KDM4C: variants seen among roughly 807,000 people sequenced by gnomAD.
KDM4C encodes lysine demethylase 4C.
A neutral mutation model predicts 129.3 loss-of-function variants in KDM4C; 81 were observed. The ratio of observed to expected loss-of-function variants is 0.63; its 90% CI spans 0.52 to 0.75. KDM4C has a LOEUF of 0.75. Ranked by LOEUF, KDM4C falls within the 30% of genes least tolerant of loss-of-function variation. The probability of loss-of-function intolerance (pLI) is 0.00; values close to 1 mark genes in which losing one functional copy is unlikely to be tolerated. For missense variants in KDM4C, 1,457 were observed against 1,304.0 expected (o/e 1.12, Z -1.81); for synonymous variants, 573 against 456.1 (o/e 1.26, Z -3.26).
chr9:6,886,362 G>C (rs1229002396), intron 6 of KDM4C, among the ~76,000 whole-genome samples: 2 of 151,060 alleles, frequency 1.3e-5, no homozygotes, highest in Admixed American at 1.3e-4. Context: ...GCCCAGGCTG[G>C]AGTACAGTGG....
chr9:6,970,016 C>T (rs979524218), intron 8 of KDM4C, among the ~76,000 whole-genome samples: 5 of 152,224 alleles, frequency 3.3e-5, no homozygotes, highest in African/African-American at 1.2e-4. Context: ...ATGTGCCCAT[C>T]TCTGAACCAA....
intron 19 of KDM4C, among the ~76,000 whole-genome samples, chr9:7,130,795 G>A (rs1215181324): frequency 6.6e-6 from 1 of 152,016 alleles, no homozygotes; most frequent in Non-Finnish European, 1.5e-5. Context: ...GCCTCATTTT[G>A]TCGCCTAGGC....
chr9:6,907,328 A>G (rs1818491169), intron 8 of KDM4C, among the ~76,000 whole-genome samples: 1 of 152,240 alleles, frequency 6.6e-6, no homozygotes, highest in African/African-American at 2.4e-5. Flanking sequence ...ACAGACAGGC[A>G]AACCCTCATC....
intron 8 of KDM4C, among the ~76,000 whole-genome samples, chr9:6,944,365 C>G (rs1298479302): frequency 6.6e-6 from 1 of 152,142 alleles, no homozygotes; most frequent in Non-Finnish European, 1.5e-5. Flanking sequence ...GGATTTCATG[C>G]ACATCAGTTC....
At chr9:6,931,276 A>G (rs963826991) in intron 8 of KDM4C, among the ~76,000 whole-genome samples, 1 of 152,166 alleles carries the variant, frequency 6.6e-6, no homozygotes, top group East Asian at 1.9e-4. Context: ...ATACTGAACA[A>G]TATAATTTTA....
chr9:6,767,946 A>G (rs901171372), intron 1 of KDM4C, among the ~76,000 whole-genome samples: 10 of 151,966 alleles, frequency 6.6e-5, no homozygotes, highest in African/African-American at 2.4e-4. Context: ...TGTATTATAT[A>G]TACACACATA....
chr9:6,852,665 A>G (rs1317157256), intron 5 of KDM4C, among the ~76,000 whole-genome samples: 1 of 151,952 alleles, frequency 6.6e-6, no homozygotes, highest in Non-Finnish European at 1.5e-5. Context: ...TGCTTGACAT[A>G]TCTGTCACTA....
rs527531117 is a variant in KDM4C, at chr9:7,118,000, A to G, written c.2611-10066A>G. Among the ~76,000 whole-genome samples the G allele has an allele frequency of 7.1e-4, 108 of 152,328 alleles. No homozygotes were observed. The South Asian group carries it at 8.7e-3, about 12-fold the overall frequency. On this transcript the variant is annotated intron_variant, in intron 18 of 21. Coordinates refer to ENST00000381309, the MANE Select transcript of KDM4C (RefSeq NM_015061.6). ...GGTATGTTCCTGTTGAGAGGTTTAC[A>G]CATTAACACAGTGAGGCAAAGATTC...
intron 8 of KDM4C, among the ~76,000 whole-genome samples, chr9:6,975,195 C>T (rs970619177): frequency 6.6e-6 from 1 of 152,124 alleles, no homozygotes; most frequent in Non-Finnish European, 1.5e-5. Flanking sequence ...TAATCTGAAC[C>T]TATTAGAAGT....
At chr9:6,800,406 G>T (rs867343346) in intron 2 of KDM4C, among the ~76,000 whole-genome samples, 1 of 151,650 alleles carries the variant, frequency 6.6e-6, no homozygotes, top group Non-Finnish European at 1.5e-5. Flanking sequence ...GAGCGTAGGA[G>T]CATGTGCCTG....
chr9:7,112,185 G>A (rs745513804), intron 18 of KDM4C, among the ~76,000 whole-genome samples: 2 of 152,142 alleles, frequency 1.3e-5, no homozygotes, highest in African/African-American at 2.4e-5. Context: ...TTACTCTTGC[G>A]ACTTTCCTTC....
At chr9:6,870,652 C>T (rs1326528127) in intron 5 of KDM4C, among the ~76,000 whole-genome samples, 1 of 151,976 alleles carries the variant, frequency 6.6e-6, no homozygotes, top group Non-Finnish European at 1.5e-5. Context: ...GCAAGTCAGG[C>T]ATACAAGCTT....
At chr9:7,107,859 G>C (rs556277546) in intron 18 of KDM4C, among the ~76,000 whole-genome samples, 8 of 152,268 alleles carry the variant, frequency 5.3e-5, no homozygotes, top group African/African-American at 1.9e-4. Context: ...TGTTGTTGTT[G>C]TTGTTGTTGT....
intron 19 of KDM4C, among the ~76,000 whole-genome samples, chr9:7,146,767 C>T (rs1163582810): frequency 2.0e-5 from 3 of 152,166 alleles, no homozygotes; most frequent in Admixed American, 2.0e-4. Flanking sequence ...TCTTCTCTAC[C>T]AGTGCTGGAG....
intron 8 of KDM4C, among the ~76,000 whole-genome samples, chr9:6,899,560 T>TGG (rs1230923376): frequency 6.6e-6 from 1 of 151,852 alleles, no homozygotes; most frequent in Non-Finnish European, 1.5e-5. Context: ...TGTGTGTGTG[T>TGG]GTGTGTGTGT....
intron 4 of KDM4C, among the ~76,000 whole-genome samples, chr9:6,823,586 C>A (rs1207152391): frequency 2.0e-5 from 3 of 152,224 alleles, no homozygotes; most frequent in Non-Finnish European, 4.4e-5. Flanking sequence ...AACTTAGCTC[C>A]TTCACTGAAT....
intron 12 of KDM4C, among the ~76,000 whole-genome samples, chr9:6,993,449 T>C (rs1376777418): frequency 6.6e-6 from 1 of 152,186 alleles, no homozygotes; most frequent in Non-Finnish European, 1.5e-5. Flanking sequence ...TGTTTAAAAA[T>C]TACGCAAATG....
chr9:7,128,052 G>A lies in KDM4C; in HGVS notation c.2611-14G>A. On this transcript the variant is annotated splice_polypyrimidine_tract_variant and intron_variant, in intron 18 of 21. Transcript: ENST00000381309. ...CTTACTTCTTTTCTTCCTTTTTTGTGTCCCTTCTTTTAGAAGTCCAAGGCT... is the reference window on the plus strand; with the variant it reads ...CTTACTTCTTTTCTTCCTTTTTTGTATCCCTTCTTTTAGAAGTCCAAGGCT... The A allele has an allele frequency of 6.9e-7, 1 of 1,443,122 alleles. No homozygotes were observed. Among genetic ancestry groups the A allele is most frequent in the Non-Finnish European group, 9.2e-7 (1 of 1,091,584 alleles). 89.4% of individuals were successfully genotyped at this position (1,443,122 alleles called of 1,614,324 possible). A position where few individuals can be genotyped will look rare whatever the true frequency, so the allele number is the denominator to read the frequency against.
intron 1 of KDM4C, among the ~76,000 whole-genome samples, chr9:6,774,391 G>A (rs150566519): frequency 0.01 from 1,544 of 152,192 alleles, 33 homozygotes; most frequent in African/African-American, 0.035. Flanking sequence ...TACGCTGGGC[G>A]TGGTGGCTCA....
Sources: allele counts gnomAD v4.1 joint callset (sites outside exome capture counted in the v4.1 genomes callset), GRCh38; gene constraint gnomAD v4.1.1; transcripts MANE v1.5; gene names NCBI Gene and HGNC (gene_info 2026-07-23, HGNC 2026-07-21).